The following DRD2 variants were observed in gnomAD, a reference collection of about 807,000 sequenced individuals.
DRD2 encodes the protein D(2) dopamine receptor.
Under a neutral mutation model 38.0 loss-of-function variants are expected in DRD2, and 8 were observed. The ratio of observed to expected loss-of-function variants is 0.21; its 90% CI spans 0.12 to 0.38. The LOEUF (loss-of-function observed/expected upper bound fraction) is 0.38. Ranked by LOEUF, DRD2 falls within the 10% of genes least tolerant of loss-of-function variation. The pLI is 1.00. For synonymous variants in DRD2, 230 were observed against 238.6 expected, an observed-to-expected ratio of 0.96 and a Z score of 0.33; for missense variants, 403 against 607.7, an observed-to-expected ratio of 0.66 and a Z score of 3.54.
rs756767796 is a variant in DRD2, at chr11:113,455,224, G to A, written c.-32+19852C>T. On this transcript the variant is annotated intron_variant, in intron 1 of 7. Coordinates refer to ENST00000362072, the MANE Select transcript of DRD2 (RefSeq NM_000795.4). ...AAATAATACAAAAAATTAGCCAGGC[G>A]TGGTGGCAGACGCCTGTAGTCCCAG... is the stretch of plus-strand genomic sequence containing the variant. Among the ~76,000 whole-genome samples the A allele has an allele frequency of 7.2e-5, 11 of 152,132 alleles. 2 individuals are homozygous for A. The highest frequency in any genetic ancestry group is 6.5e-5 in the Admixed American group (1 of 15,290).
At chr11:113,448,579 C>G (rs761094042) in intron 1 of DRD2, among the ~76,000 whole-genome samples, 2 of 152,362 alleles carry the variant, frequency 1.3e-5, no homozygotes, top group African/African-American at 2.4e-5. Context: ...ATCTCAGCCC[C>G]AGCCATGAGA....
At chr11:113,423,276 TA>T (rs1297929631) in intron 2 of DRD2, among the ~76,000 whole-genome samples, 2 of 127,400 alleles carry the variant, frequency 1.6e-5, no homozygotes, top group African/African-American at 2.5e-5. Flanking sequence ...TGTTTTAATT[TA>T]ATTTTATTTT....
At chr11:113,418,165 C>A (rs773774927) in intron 2 of DRD2, 29 bp from the exon 3 acceptor site, 1 of 1,579,944 alleles carries the variant, frequency 6.3e-7, no homozygotes, top group South Asian at 1.1e-5. Context: ...AATGGATGGA[C>A]AGCAGGAGTG....
At chr11:113,419,292 G>A (rs541033296) in intron 2 of DRD2, among the ~76,000 whole-genome samples, 51 of 152,336 alleles carry the variant, frequency 3.3e-4, no homozygotes, top group South Asian at 1.7e-3. Context: ...CCCAGAGAAC[G>A]AAAGAAGGCA....
intron 1 of DRD2, among the ~76,000 whole-genome samples, chr11:113,449,408 G>A (rs1214213771): frequency 6.6e-6 from 1 of 152,168 alleles, no homozygotes; most frequent in Non-Finnish European, 1.5e-5. Flanking sequence ...GGGAAATTGG[G>A]CAGGTGAGAC....
chr11:113,434,405 C>T (rs1195608735), intron 1 of DRD2, among the ~76,000 whole-genome samples: 1 of 152,178 alleles, frequency 6.6e-6, no homozygotes, highest in African/African-American at 2.4e-5. Context: ...GTCATTTCTC[C>T]TCCCAGATCC....
chr11:113,416,979 G>C lies in DRD2; in HGVS notation c.416C>G (p.Pro139Arg). Residue 139 changes from proline (P) to arginine (R), a missense_variant, in exon 4 of 8, where the codon CCC (proline) becomes CGC (arginine). This residue lies in a region of DRD2 where 162 missense variants were observed against 254.5 expected (regional missense o/e 0.64). Transcript: ENST00000362072. ...SIDRYTAVAM[P>R]MLYNTRYSSK... Reference sequence around the variant, plus strand: ...GCTGTAGCGCGTATTGTACAGCATGGGCATGGCCACAGCTGTGTACCTGCA... The same window carrying C: ...GCTGTAGCGCGTATTGTACAGCATGCGCATGGCCACAGCTGTGTACCTGCA... The C allele has an allele frequency of 6.2e-7, 1 of 1,614,064 alleles. No homozygotes were observed. The highest frequency in any genetic ancestry group is 1.1e-5 in the South Asian group (1 of 91,032).
rs115612282 is a variant in DRD2 at position 113,452,252 on chromosome 11, G to T, written c.-32+22824C>A. Reference sequence around the variant, plus strand: ...GGAGTCAGATAAAAGCCAGGAGAAAGGGCAATGTTGTCTGACAGCCAAGGG... The same window carrying T: ...GGAGTCAGATAAAAGCCAGGAGAAATGGCAATGTTGTCTGACAGCCAAGGG... On this transcript the variant is annotated intron_variant, in intron 1 of 7. Coordinates refer to ENST00000362072, the MANE Select transcript of DRD2 (RefSeq NM_000795.4). Among the ~76,000 whole-genome samples the T allele has an allele frequency of 6.5e-3, 983 of 152,262 alleles. 8 individuals are homozygous for T. Among genetic ancestry groups the T allele is most frequent in the African/African-American group, 0.023 (945 of 41,540 alleles).
intron 3 of DRD2, among the ~76,000 whole-genome samples, chr11:113,417,670 C>T (rs1950840225): frequency 1.3e-5 from 2 of 152,132 alleles, no homozygotes; most frequent in Admixed American, 1.3e-4. Flanking sequence ...ATGTAGGTTT[C>T]TAGAAAATGA....
At chr11:113,412,054 C>G (rs1162843925) in intron 7 of DRD2, 5 of 169,382 alleles carry the variant, frequency 3.0e-5, no homozygotes, top group Non-Finnish European at 6.4e-5. Flanking sequence ...TGTTTGAGTG[C>G]AAGTGAACTG....
chr11:113,444,047 T>C (rs1327225855), intron 1 of DRD2, among the ~76,000 whole-genome samples: 4 of 152,174 alleles, frequency 2.6e-5, no homozygotes, highest in Non-Finnish European at 4.4e-5. Flanking sequence ...TTGTTGTTTG[T>C]GTTTTTGTTT....
intron 1 of DRD2, among the ~76,000 whole-genome samples, chr11:113,453,504 AT>A (rs1565675838): frequency 6.6e-6 from 1 of 152,204 alleles, no homozygotes. Context: ...GTTTTCTTGT[AT>A]TCTTCTCTGT....
intron 1 of DRD2, among the ~76,000 whole-genome samples, chr11:113,441,324 C>T (rs185736806): frequency 1.6e-4 from 24 of 152,302 alleles, no homozygotes; most frequent in Middle Eastern, 3.4e-3. Flanking sequence ...CAGCTAGTCT[C>T]CAACAGCCCA....
At chr11:113,465,966 G>A (rs1236156311) in intron 1 of DRD2, among the ~76,000 whole-genome samples, 2 of 152,192 alleles carry the variant, frequency 1.3e-5, no homozygotes, top group South Asian at 2.1e-4. Flanking sequence ...AGCACTTTAT[G>A]TGCGTGACTC....
chr11:113,414,532 A>C (rs1295687535), intron 5 of DRD2, 71 bp from the exon 6 acceptor site: 9 of 1,524,748 alleles, frequency 5.9e-6, no homozygotes, highest in Admixed American at 1.7e-5. Context: ...CCCAAAGTGC[A>C]GCAGTCCATG....
At chr11:113,437,354 C>A (rs759895882) in intron 1 of DRD2, among the ~76,000 whole-genome samples, 1 of 152,048 alleles carries the variant, frequency 6.6e-6, no homozygotes, top group African/African-American at 2.4e-5. Flanking sequence ...GTCCTGTGTC[C>A]GAGGCACATC....
intron 1 of DRD2, among the ~76,000 whole-genome samples, chr11:113,467,748 A>C (rs1951383948): frequency 6.6e-6 from 1 of 152,220 alleles, no homozygotes; most frequent in Non-Finnish European, 1.5e-5. Context: ...CACCAGGATA[A>C]CTTATGCCTC....
chr11:113,445,906 C>G (rs1163924959), intron 1 of DRD2, among the ~76,000 whole-genome samples: 1 of 152,198 alleles, frequency 6.6e-6, no homozygotes, highest in African/African-American at 2.4e-5. Flanking sequence ...GTCTCCAGAG[C>G]CACTGCTGGC....
In DRD2 at chr11:113,475,340, G is replaced by A. The variant is rs1951473459; in HGVS notation, c.-296C>T. 6.7e-6 allele frequency: 1 copy of A among 149,028 alleles called. No homozygotes were observed. Among genetic ancestry groups the A allele is most frequent in the South Asian group, 1.8e-4 (1 of 5,626 alleles). The allele number at this position is 149,028 out of a possible 1,614,324, so 9.2% of individuals were successfully genotyped here. On this transcript the variant is annotated 5_prime_UTR_variant, in exon 1 of 8. Transcript: ENST00000362072. Reference sequence around the variant, plus strand: ...GGGCGCGGGGCGGGCGGGCAGGAGGGAGCGCGGGGACGGGGCGGAGGCGGC... The same window carrying A: ...GGGCGCGGGGCGGGCGGGCAGGAGGAAGCGCGGGGACGGGGCGGAGGCGGC...
Sources: allele counts gnomAD v4.1 joint callset (sites outside exome capture counted in the v4.1 genomes callset), GRCh38; gene constraint gnomAD v4.1.1; regional missense constraint gnomAD v4.1.1; transcripts MANE v1.5; gene names NCBI Gene and HGNC (gene_info 2026-07-23, HGNC 2026-07-21).